Variants in SLCO2A1 observed in about 807,000 individuals in gnomAD.
SLCO2A1 encodes solute carrier organic anion transporter family member 2A1.
A neutral mutation model predicts 71.7 loss-of-function variants in SLCO2A1; 60 were observed. The ratio of observed to expected loss-of-function variants is 0.84; its 90% CI spans 0.68 to 1.04. The LOEUF is 1.04. SLCO2A1 is among the 50% of genes least tolerant of loss of function. The probability of loss-of-function intolerance (pLI) is 0.00; values close to 1 mark genes in which losing one functional copy is unlikely to be tolerated. For synonymous variants in SLCO2A1, 308 were observed against 326.7 expected (o/e 0.94, Z 0.62); for missense variants, 745 against 813.4 (o/e 0.92, Z 1.02).
At chr3:133,982,011 A>G (rs1213290319) in intron 1 of SLCO2A1, among the ~76,000 whole-genome samples, 1 of 152,110 alleles carries the variant, frequency 6.6e-6, no homozygotes, top group Non-Finnish European at 1.5e-5. Context: ...AAGAAAAAGA[A>G]AAACAGTCAT....
At chr3:133,954,724 A>G (rs1006918483) in intron 4 of SLCO2A1, among the ~76,000 whole-genome samples, 1 of 152,154 alleles carries the variant, frequency 6.6e-6, no homozygotes, top group Non-Finnish European at 1.5e-5. Flanking sequence ...AGATAATATC[A>G]GCCTCCTCCT....
intron 3 of SLCO2A1, among the ~76,000 whole-genome samples, chr3:133,967,664 A>T (rs2108052013): frequency 6.6e-6 from 1 of 152,060 alleles, no homozygotes; most frequent in East Asian, 1.9e-4. Context: ...AGTTAAATAG[A>T]TCCACTGGCC....
rs187391678 is a variant in SLCO2A1 at position 133,989,565 on chromosome 3, C to G, written c.97-9947G>C. ...ATGGAATTAAAATCAATTTGCAATT[C>G]TTTCCACATTTTATTTTATTTTTTT... On this transcript the variant is annotated intron_variant, in intron 1 of 13. Transcript: ENST00000310926. Among the ~76,000 whole-genome samples, 93 of 152,318 alleles carry G rather than the reference C, an allele frequency of 6.1e-4. 3 individuals are homozygous for G. The highest frequency in any genetic ancestry group is 3.9e-3 in the Admixed American group (60 of 15,302).
intron 1 of SLCO2A1, among the ~76,000 whole-genome samples, chr3:134,016,572 C>G (rs1576461053): frequency 2.0e-5 from 3 of 152,178 alleles, no homozygotes; most frequent in Admixed American, 2.0e-4. Context: ...CTGGGTCTCT[C>G]ACATATGGCT....
chr3:133,955,566 G>C (rs1367532071), intron 3 of SLCO2A1, among the ~76,000 whole-genome samples: 1 of 152,174 alleles, frequency 6.6e-6, no homozygotes. Flanking sequence ...AGCTGGAAAA[G>C]GGGGAGGGGG....
In SLCO2A1 at chr3:133,945,236, C is replaced by T. The variant is rs1286108059; in HGVS notation, c.1320G>A (p.Gln440=). Residue 440 remains glutamine, a synonymous_variant, in exon 10 of 14, where the codon CAG becomes CAA. Coordinates refer to ENST00000310926, the MANE Select transcript of SLCO2A1 (RefSeq NM_005630.3). ...PPSTSSSIHP[Q]SPACRRDCSC... is the part of the protein sequence containing the mutation. ...AGCAGTCCCTGCGGCAGGCAGGAGA[C>T]TGCGGATGTATAGAACTTGATGTGC... The T allele has an allele frequency of 1.9e-6, 3 of 1,611,688 alleles. No individual in the cohort carries two copies. The highest frequency in any genetic ancestry group is 1.1e-5 in the South Asian group (1 of 90,642).
chr3:133,949,254 T>G (rs1933672656), intron 6 of SLCO2A1: 1 of 407,814 alleles, frequency 2.5e-6, no homozygotes, highest in African/African-American at 2.0e-5. Flanking sequence ...CCTATGACTG[T>G]TGCCAAAGGT....
intron 1 of SLCO2A1, among the ~76,000 whole-genome samples, chr3:134,020,251 T>C (rs1399104093): frequency 6.6e-6 from 1 of 151,824 alleles, no homozygotes; most frequent in East Asian, 1.9e-4. Context: ...AAGACAGGAG[T>C]CTTGCCGATG....
chr3:133,977,523 T>C (rs1215070646), intron 2 of SLCO2A1, among the ~76,000 whole-genome samples: 2 of 152,166 alleles, frequency 1.3e-5, no homozygotes, highest in Non-Finnish European at 2.9e-5. Flanking sequence ...CAGATTTGGC[T>C]ACCACCTGGG....
intron 3 of SLCO2A1, among the ~76,000 whole-genome samples, chr3:133,966,633 C>T (rs1383159329): frequency 6.6e-6 from 1 of 151,458 alleles, no homozygotes; most frequent in Non-Finnish European, 1.5e-5. Context: ...CTCACATCCT[C>T]TCTGACTGTG....
intron 1 of SLCO2A1, among the ~76,000 whole-genome samples, chr3:134,014,987 A>G (rs1047489372): frequency 1.3e-5 from 2 of 152,244 alleles, no homozygotes; most frequent in African/African-American, 4.8e-5. Flanking sequence ...TAAATACATA[A>G]GATCCCCTCA....
At position 133,969,578 on chromosome 3, in the gene SLCO2A1, G is replaced by A. The variant is rs137905047; in HGVS notation, c.397+4085C>T. ...ACTTTTTTTTTTTTGTAGAGATGGG[G>A]TCTCACTGTGTTGCCCAGTCTGGTC... On this transcript the variant is annotated intron_variant, in intron 3 of 13. Coordinates refer to ENST00000310926, the MANE Select transcript of SLCO2A1 (RefSeq NM_005630.3). 4.2e-3 allele frequency among the ~76,000 whole-genome samples: 636 copies of A among 152,020 alleles called. 6 individuals are homozygous for A. Among genetic ancestry groups the A allele is most frequent in the African/African-American group, 0.015 (619 of 41,460 alleles).
intron 1 of SLCO2A1, 88 bp from the exon 2 acceptor site, chr3:133,979,706 A>C: frequency 6.9e-7 from 1 of 1,443,576 alleles, no homozygotes; most frequent in African/African-American, 1.4e-5. Flanking sequence ...CGGCAGGCTG[A>C]CCTCTGTTTC....
intron 1 of SLCO2A1, among the ~76,000 whole-genome samples, chr3:133,986,967 C>G (rs551950996): frequency 6.6e-6 from 1 of 152,148 alleles, no homozygotes; most frequent in Non-Finnish European, 1.5e-5. Context: ...TATAGGAACA[C>G]CAGCGGAAGG....
intron 3 of SLCO2A1, among the ~76,000 whole-genome samples, chr3:133,972,064 G>A (rs552028969): frequency 2.0e-4 from 30 of 152,242 alleles, no homozygotes; most frequent in African/African-American, 6.7e-4. Context: ...TAAAACTTGA[G>A]CTACTAGAAC....
intron 1 of SLCO2A1, among the ~76,000 whole-genome samples, chr3:133,987,958 G>A (rs1934754381): frequency 1.3e-5 from 2 of 152,232 alleles, no homozygotes; most frequent in South Asian, 4.1e-4. Context: ...AAGGAAGAAA[G>A]GAGGGAGGAA....
chr3:133,938,302 T>A, intron 12 of SLCO2A1, 127 bp downstream of exon 12: 1 of 860,070 alleles, frequency 1.2e-6, no homozygotes, highest in Non-Finnish European at 2.0e-6. Flanking sequence ...CTGCTGTTGA[T>A]TATGCACAGC....
At chr3:134,018,202 G>T (rs1012464044) in intron 1 of SLCO2A1, among the ~76,000 whole-genome samples, 2 of 152,174 alleles carry the variant, frequency 1.3e-5, no homozygotes, top group African/African-American at 4.8e-5. Flanking sequence ...ACAGAACAAT[G>T]TTGTCTTCAA....
chr3:133,973,615 T>G, intron 3 of SLCO2A1, 48 bp downstream of exon 3: 1 of 1,598,984 alleles, frequency 6.3e-7, no homozygotes, highest in South Asian at 1.1e-5. Context: ...CTTTGTGAGA[T>G]GTTCACCCAT....
Sources: gnomAD v4.1 joint callset for allele counts (sites outside exome capture counted in the v4.1 genomes callset) on GRCh38, gnomAD v4.1.1 for gene constraint, MANE v1.5 for transcripts, NCBI Gene and HGNC (gene_info 2026-07-23, HGNC 2026-07-21) for gene names.